Variants in ZBTB40 observed in about 807,000 individuals in gnomAD.
ZBTB40 encodes the protein zinc finger and BTB domain containing 40, also known as zinc finger and BTB domain-containing protein 40.
ZBTB40 carries 60 observed loss-of-function variants against 117.5 expected under a neutral mutation model. The observed-to-expected ratio is 0.51, with a 90% CI of 0.41 to 0.63. The LOEUF is 0.63. ZBTB40 is among the 30% of genes least tolerant of loss of function. The pLI is 0.00. For synonymous variants in ZBTB40, 525 were observed against 577.1 expected (o/e 0.91, Z 1.29); for missense variants, 1,287 against 1,498.5 (o/e 0.86, Z 2.33).
At chr1:22,516,747 A>G (rs906925336) in intron 12 of ZBTB40, among the ~76,000 whole-genome samples, 5 of 152,032 alleles carry the variant, frequency 3.3e-5, no homozygotes, top group Non-Finnish European at 7.4e-5. Flanking sequence ...AGTTCTCCAG[A>G]CTTGTTCTTT....
chr1:22,456,416 A>C (rs1308888095), intron 1 of ZBTB40, among the ~76,000 whole-genome samples: 1 of 152,222 alleles, frequency 6.6e-6, no homozygotes, highest in Non-Finnish European at 1.5e-5. Flanking sequence ...TGTAAGTCAG[A>C]GATTGTTAAT....
intron 1 of ZBTB40, among the ~76,000 whole-genome samples, chr1:22,473,691 C>G (rs1641470318): frequency 6.6e-6 from 1 of 152,182 alleles, no homozygotes; most frequent in Non-Finnish European, 1.5e-5. Context: ...CCAGTTCCCT[C>G]AGGATGAGAC....
intron 15 of ZBTB40, 50 bp from the exon 16 acceptor site, chr1:22,522,327 A>T: frequency 6.3e-7 from 1 of 1,590,354 alleles, no homozygotes; most frequent in Non-Finnish European, 8.6e-7. Flanking sequence ...AGCCTTGGAG[A>T]GCCAACCATT....
At chr1:22,432,908 A>C (rs1052924922) in intron 1 of ZBTB40, among the ~76,000 whole-genome samples, 2 of 152,246 alleles carry the variant, frequency 1.3e-5, no homozygotes, top group Admixed American at 6.5e-5. Context: ...TCATGCTACA[A>C]TGGAAAAGCA....
At chr1:22,509,369 CAG>C (rs765199010) in intron 9 of ZBTB40, 136 bp downstream of exon 9, 122 of 1,305,576 alleles carry the variant, frequency 9.3e-5, no homozygotes, top group Non-Finnish European at 1.2e-4. Context: ...TCTTTTGAGA[CAG>C]AGTCTTGCTC....
Position 22,527,059 on chromosome 1 carries a change from C to T in ZBTB40, c.*663C>T, listed in dbSNP as rs1317125424. 6.4e-6 allele frequency: 1 copy of T among 156,610 alleles called. No homozygotes were observed. The highest frequency in any genetic ancestry group is 1.4e-5 in the Non-Finnish European group (1 of 70,666). The allele number at this position is 156,610 out of a possible 1,614,324, so 9.7% of individuals were successfully genotyped here. A position where few individuals can be genotyped will look rare whatever the true frequency, so the allele number is the denominator to read the frequency against. On this transcript the variant is annotated 3_prime_UTR_variant, in exon 18 of 18. Transcript: ENST00000375647. ...TGTCAGTTGTCAGCTCTTCCCAAAA[C>T]AAAGCTCTGGAGTTTCTGCTGGAAG... is the stretch of plus-strand genomic sequence containing the variant.
rs1639119976 is a variant in ZBTB40 at position 22,508,018 on chromosome 1, G to T, written c.1378G>T (p.Asp460Tyr). 7 of 1,614,026 alleles carry T rather than the reference G, an allele frequency of 4.3e-6. No homozygotes were observed. Among genetic ancestry groups the T allele is most frequent in the Non-Finnish European group, 5.9e-6 (7 of 1,180,040 alleles). ...CCTTACAGTCCAACCAAGCCCTGAT[G>T]ATTATGGGACTGAGCTATTGAGACG... ...PSTTVQPSPDDYGTELLRRYH... is the reference protein window; with the variant it reads ...PSTTVQPSPDYYGTELLRRYH... The change falls in exon 7 of 18, where the codon GAT (aspartate) becomes TAT (tyrosine). Residue 460 changes from aspartate (D) to tyrosine (Y), a missense_variant. Asp to Tyr is a radical substitution (Grantham distance 160, BLOSUM62 -3). Transcript: ENST00000375647.
Position 22,490,453 on chromosome 1 carries a change from G to T in ZBTB40, c.505G>T (p.Gly169Cys), listed in dbSNP as rs1638596216. 2 of 1,602,900 alleles carry T rather than the reference G, an allele frequency of 1.2e-6. No homozygotes were observed. The highest frequency in any genetic ancestry group is 1.7e-6 in the Non-Finnish European group (2 of 1,173,752). ...CCCAGAGCTTGCTGCCACTCCAGGG[G>T]GCCCTGTGAAAGCTGAGACTGAGGA... ...SSPELAATPG[G>C]PVKAETEEAA... is the part of the protein sequence containing the mutation. The change falls in exon 2 of 18, where the codon GGC becomes TGC. Residue 169 changes from glycine (G) to cysteine (C), a missense_variant. Transcript: ENST00000375647.
chr1:22,439,178 C>T (rs556652774), intron 1 of ZBTB40, among the ~76,000 whole-genome samples: 79 of 152,074 alleles, frequency 5.2e-4, no homozygotes, highest in Non-Finnish European at 1.6e-4. Flanking sequence ...CGTCTTTTGC[C>T]TATTTTTAAA....
intron 1 of ZBTB40, chr1:22,452,832 CAG>C (rs1271294034): frequency 6.6e-6 from 1 of 152,272 alleles, no homozygotes; most frequent in Non-Finnish European, 1.5e-5. Flanking sequence ...ACTGACTATT[CAG>C]AGTTTCTCCT....
At chr1:22,509,261 CA>C (rs1639165743) in intron 9 of ZBTB40, 28 bp downstream of exon 9, 1 of 1,613,854 alleles carries the variant, frequency 6.2e-7, no homozygotes, top group South Asian at 1.1e-5. Flanking sequence ...AGCGAAATGC[CA>C]GAGAGTTTTA....
chr1:22,441,911 A>C lies in ZBTB40; in HGVS notation c.-70+12897A>C, dbSNP rs1407240745. Among the ~76,000 whole-genome samples, 5 of 152,148 alleles carry C rather than the reference A, an allele frequency of 3.3e-5. No homozygotes were observed. The East Asian group carries it at 7.7e-4, about 23-fold the overall frequency. On this transcript the variant is annotated intron_variant, in intron 1 of 8. Coordinates refer to the ZBTB40 transcript ENST00000650433. ...TTTAATGTAAGCATTTATACACATA[A>C]ATTTACCTCTTAACAACTGCTTTTT...
chr1:22,497,639 C>CA (rs1424539114), intron 3 of ZBTB40, among the ~76,000 whole-genome samples: 1 of 152,126 alleles, frequency 6.6e-6, no homozygotes, highest in African/African-American at 2.4e-5. Flanking sequence ...AAAAGTGATA[C>CA]AGATTGTCTA....
chr1:22,464,883 A>G (rs1468956564), intron 1 of ZBTB40, among the ~76,000 whole-genome samples: 2 of 152,188 alleles, frequency 1.3e-5, no homozygotes, highest in Non-Finnish European at 2.9e-5. Flanking sequence ...AAGTATTTAT[A>G]TGTAATTTAC....
intron 15 of ZBTB40, among the ~76,000 whole-genome samples, chr1:22,522,126 T>C (rs1379156313): frequency 6.6e-6 from 1 of 152,254 alleles, no homozygotes; most frequent in Non-Finnish European, 1.5e-5. Flanking sequence ...GACACCATGC[T>C]AAGCACCTCG....
chr1:22,448,883 G>GCT (rs1315188869), upstream of ZBTB40, among the ~76,000 whole-genome samples: 2 of 152,076 alleles, frequency 1.3e-5, no homozygotes, highest in Admixed American at 1.3e-4. Flanking sequence ...CGTGATTTCG[G>GCT]CTCACTGCAA....
At chr1:22,448,400 A>G (rs557927121), upstream of ZBTB40, among the ~76,000 whole-genome samples, 30 of 152,286 alleles carry the variant, frequency 2.0e-4, no homozygotes, top group African/African-American at 6.3e-4. Context: ...CTCATCTATA[A>G]TGATACGTTG....
At chr1:22,459,012 G>C (rs528051792) in intron 1 of ZBTB40, among the ~76,000 whole-genome samples, 1 of 152,172 alleles carries the variant, frequency 6.6e-6, no homozygotes, top group Non-Finnish European at 1.5e-5. Context: ...AAAGTATGCT[G>C]TTAAAGTTTT....
intron 12 of ZBTB40, among the ~76,000 whole-genome samples, chr1:22,515,616 C>G (rs1164079600): frequency 1.3e-5 from 2 of 152,194 alleles, no homozygotes; most frequent in Admixed American, 1.3e-4. Flanking sequence ...ACCTCCTTTT[C>G]TGACTCTTCT....
Sources: gnomAD v4.1 joint callset for allele counts (sites outside exome capture counted in the v4.1 genomes callset) on GRCh38, gnomAD v4.1.1 for gene constraint, MANE v1.5 for transcripts, NCBI Gene and HGNC (gene_info 2026-07-23, HGNC 2026-07-21) for gene names.